MTARC1: variants seen among roughly 807,000 people sequenced by gnomAD.
The protein encoded by MTARC1 is mitochondrial amidoxime-reducing component 1.
Under a neutral mutation model 33.6 loss-of-function variants are expected in MTARC1, and 24 were observed. The observed-to-expected ratio is 0.72, with a 90% CI of 0.52 to 1.01. The LOEUF (loss-of-function observed/expected upper bound fraction) is 1.01. Ranked by LOEUF, MTARC1 falls within the 50% of genes least tolerant of loss-of-function variation. The pLI is 0.00. For synonymous variants in MTARC1, 187 were observed against 189.5 expected (o/e 0.99, Z 0.11); for missense variants, 417 against 445.7 (o/e 0.94, Z 0.58).
intron 3 of MTARC1, among the ~76,000 whole-genome samples, chr1:220,797,465 G>T (rs72470599): frequency 8.5e-5 from 13 of 152,262 alleles, no homozygotes; most frequent in Admixed American, 8.5e-4. Flanking sequence ...ATAAATTATG[G>T]TCAACATAAA....
At position 220,818,980 on chromosome 1, in the gene MTARC1, A is replaced by G. The variant is rs969590837; in HGVS notation, c.*5562A>G. 2.0e-5 allele frequency: 3 copies of G among 152,150 alleles called. No individual in the cohort carries two copies. The highest frequency in any genetic ancestry group is 4.1e-4 in the South Asian group (2 of 4,824). 9.4% of individuals were successfully genotyped at this position (152,150 alleles called of 1,614,324 possible). On this transcript the variant is annotated 3_prime_UTR_variant, in exon 7 of 7. Coordinates refer to ENST00000366910, the MANE Select transcript of MTARC1 (RefSeq NM_022746.4). ...ATAATTGATCGTCCAGCGCTCACAT[A>G]GCTACCGCGGATCTGAGCCCGTATG...
rs915460649 is a variant in MTARC1, at chr1:220,816,167, G to A, written c.*2749G>A. The stretch of plus-strand genomic sequence containing the variant: ...GAGGGTCTGCCAGTTTGGTAAGAGT[G>A]CATGGGGAGGTTGGGTAAATTAGAC... On this transcript the variant is annotated 3_prime_UTR_variant, in exon 7 of 7. Coordinates refer to ENST00000366910, the MANE Select transcript of MTARC1 (RefSeq NM_022746.4). 1.3e-5 allele frequency: 2 copies of A among 152,256 alleles called. No individual in the cohort carries two copies. The highest frequency in any genetic ancestry group is 6.5e-5 in the Admixed American group (1 of 15,282). The allele number at this position is 152,256 out of a possible 1,614,324, so 9.4% of individuals were successfully genotyped here. A position where few individuals can be genotyped will look rare whatever the true frequency, so the allele number is the denominator to read the frequency against.
At position 220,796,675 on chromosome 1, in the gene MTARC1, G is replaced by A. The variant is rs780894366; in HGVS notation, c.482G>A (p.Cys161Tyr). Residue 161 changes from cysteine (C) to tyrosine (Y), a missense_variant, in exon 3 of 7, where the codon TGT becomes TAT. Coordinates refer to ENST00000366910, the MANE Select transcript of MTARC1 (RefSeq NM_022746.4). ...VHGLEIEGRDCGEATAQWITS... is the reference protein window; with the variant it reads ...VHGLEIEGRDYGEATAQWITS... ...GGCCTGGAGATAGAGGGCAGGGACTGTGGCGAGGCCACCGCCCAGTGGATA... is the reference window on the plus strand; with the variant it reads ...GGCCTGGAGATAGAGGGCAGGGACTATGGCGAGGCCACCGCCCAGTGGATA... 5 of 1,611,070 alleles carry A rather than the reference G, an allele frequency of 3.1e-6. No individual in the cohort carries two copies. The African/African-American group carries it at 6.7e-5, about 22-fold the overall frequency.
intron 4 of MTARC1, among the ~76,000 whole-genome samples, chr1:220,803,226 G>A (rs1051992233): frequency 6.6e-6 from 1 of 152,108 alleles, no homozygotes; most frequent in Non-Finnish European, 1.5e-5. Context: ...GCGTGCAGGG[G>A]AACTGCCCTT....
In MTARC1 at chr1:220,813,379, C is replaced by T; in HGVS notation, c.975C>T (p.Thr325=). The T allele has an allele frequency of 6.2e-7, 1 of 1,614,090 alleles. No homozygotes were observed. The change falls in exon 7 of 7, where the codon ACC becomes ACT. Residue 325 remains threonine (T), a synonymous_variant. Transcript: ENST00000366910. ...GQYFVLENPG[T]IKVGDPVYLL... ...ATTTTGTGCTGGAAAACCCAGGGAC[C>T]ATCAAAGTGGGAGACCCTGTGTACC...
chr1:220,810,918 CTT>C (rs1466189093), intron 6 of MTARC1, among the ~76,000 whole-genome samples: 2 of 152,128 alleles, frequency 1.3e-5, no homozygotes, highest in Non-Finnish European at 2.9e-5. Flanking sequence ...CCCCCTGAGA[CTT>C]AACTGTAAAA....
chr1:220,815,400 G>A lies in MTARC1; in HGVS notation c.*1982G>A, dbSNP rs61830289. On this transcript the variant is annotated 3_prime_UTR_variant, in exon 7 of 7. Transcript: ENST00000366910. ...ACTAACAGCCACTTCTCTGTGCCCC[G>A]TCCGGGCAGTAACCATCATTCTCCA... 44,095 of 151,738 alleles carry A rather than the reference G, an allele frequency of 0.29. 6,323 individuals are homozygous for A. Among genetic ancestry groups the A allele is most frequent in the Admixed American group, 0.31 (4,768 of 15,254 alleles). The allele number at this position is 151,738 out of a possible 1,614,324, so 9.4% of individuals were successfully genotyped here. A position where few individuals can be genotyped will look rare whatever the true frequency, so the allele number is the denominator to read the frequency against.
chr1:220,797,499 A>G (rs1029071354), intron 3 of MTARC1, among the ~76,000 whole-genome samples: 4 of 152,228 alleles, frequency 2.6e-5, no homozygotes, highest in Non-Finnish European at 4.4e-5. Flanking sequence ...GTTGCATAAA[A>G]TAAGTATTCA....
chr1:220,798,395 C>G lies in MTARC1; in HGVS notation c.753+381C>G. On this transcript the variant is annotated intron_variant, in intron 4 of 6. Transcript: ENST00000366910. ...GTCTTACTGTTTAGTAGACGGCTCT[C>G]TTGGAGAAGACAGGCATTTACTGCA... is the stretch of plus-strand genomic sequence containing the variant. 4 of 1,174,574 alleles carry G rather than the reference C, an allele frequency of 3.4e-6. No homozygotes were observed. The East Asian group carries it at 2.3e-4, about 69-fold the overall frequency. The allele number at this position is 1,174,574 out of a possible 1,614,324, so 72.8% of individuals were successfully genotyped here.
chr1:220,792,441 T>C (rs942183024), intron 2 of MTARC1, among the ~76,000 whole-genome samples: 1 of 152,200 alleles, frequency 6.6e-6, no homozygotes, highest in African/African-American at 2.4e-5. Context: ...GTGAATGTAG[T>C]TTATAGCCTA....
At position 220,798,107 on chromosome 1, in the gene MTARC1, T is replaced by C. The variant is rs755347488; in HGVS notation, c.753+93T>C. On this transcript the variant is annotated intron_variant, in intron 4 of 6. Transcript: ENST00000366910. ...CATTGGATTAGATTATTCTGAAGGGTGCATTATTTATCAACTCTGTAATAC... is the reference window on the plus strand; with the variant it reads ...CATTGGATTAGATTATTCTGAAGGGCGCATTATTTATCAACTCTGTAATAC... 166 of 1,611,550 alleles carry C rather than the reference T, an allele frequency of 1.0e-4. 1 individual carries two copies. The African/African-American group carries it at 2.0e-3, about 20-fold the overall frequency.
chr1:220,807,143 A>T (rs952920506), intron 6 of MTARC1, among the ~76,000 whole-genome samples: 6 of 152,364 alleles, frequency 3.9e-5, no homozygotes, highest in Admixed American at 3.3e-4. Flanking sequence ...TCACCTCAAA[A>T]AAAAAAGCAA....
rs72472322 is a variant in MTARC1, at chr1:220,801,975, T to TA, written c.754-3076dup. Among the ~76,000 whole-genome samples the TA allele has an allele frequency of 5.2e-3, 796 of 152,146 alleles. 13 individuals are homozygous for TA. The highest frequency in any genetic ancestry group is 0.051 in the South Asian group (245 of 4,810). ...GAAGCCACAGTAGAGACAACCACCC[T>TA]ACCTGCCACAGTCAGTGACCGTTTC... On this transcript the variant is annotated intron_variant, in intron 4 of 6. Transcript: ENST00000366910.
chr1:220,805,160 G>A (rs372691935), intron 5 of MTARC1, 43 bp from the exon 6 acceptor site: 488 of 1,613,920 alleles, frequency 3.0e-4, no homozygotes, highest in Non-Finnish European at 3.8e-4. Context: ...GGATAAGTTC[G>A]CTCTGCTCTG....
intron 4 of MTARC1, chr1:220,799,055 A>T (rs1672708077): frequency 1.0e-6 from 1 of 985,308 alleles, no homozygotes; most frequent in Non-Finnish European, 1.2e-6. Context: ...ACCTTGCCTG[A>T]ACAATGAGAT....
intron 2 of MTARC1, 68 bp downstream of exon 2, chr1:220,791,732 T>C: frequency 6.5e-7 from 1 of 1,545,004 alleles, no homozygotes; most frequent in Non-Finnish European, 8.9e-7. Context: ...AAGCATAAAC[T>C]CTAGAGGGAA....
At chr1:220,797,692 T>A (rs938162952) in intron 3 of MTARC1, 182 bp from the exon 4 acceptor site, 4 of 600,688 alleles carry the variant, frequency 6.7e-6, no homozygotes, top group African/African-American at 5.6e-5. Flanking sequence ...GTTTCTGCTA[T>A]CTGCAAGGCT....
chr1:220,787,000 G>A lies in MTARC1; in HGVS notation c.56G>A (p.Arg19Gln), dbSNP rs530224279. 2 of 1,298,576 alleles carry A rather than the reference G, an allele frequency of 1.5e-6. No individual in the cohort carries two copies. Among genetic ancestry groups the A allele is most frequent in the East Asian group, 3.1e-5 (1 of 31,966 alleles). The allele number at this position is 1,298,576 out of a possible 1,614,324, so 80.4% of individuals were successfully genotyped here. The change falls in exon 1 of 7, where the codon CGG (arginine) becomes CAG (glutamine). Residue 19 changes from arginine (R) to glutamine (Q), a missense_variant. Coordinates refer to ENST00000366910, the MANE Select transcript of MTARC1 (RefSeq NM_022746.4). ...LARFVLLAQS[R>Q]PGWLGVAALG... ...CGCTTTGTCCTCCTCGCGCAATCCCGGCCCGGGTGGCTCGGGGTTGCCGCG... is the reference window on the plus strand; with the variant it reads ...CGCTTTGTCCTCCTCGCGCAATCCCAGCCCGGGTGGCTCGGGGTTGCCGCG...
intron 2 of MTARC1, among the ~76,000 whole-genome samples, chr1:220,795,005 C>T (rs1358409478): frequency 1.3e-5 from 2 of 151,930 alleles, no homozygotes; most frequent in Non-Finnish European, 2.9e-5. Context: ...AGATATAAAG[C>T]AATAAAATAA....
Sources: allele counts gnomAD v4.1 joint callset (sites outside exome capture counted in the v4.1 genomes callset), GRCh38; gene constraint gnomAD v4.1.1; transcripts MANE v1.5; gene names NCBI Gene and HGNC (gene_info 2026-07-23, HGNC 2026-07-21).